The following WDPCP variants were observed in gnomAD, a reference collection of about 807,000 sequenced individuals.
WDPCP encodes the protein WD repeat containing planar cell polarity effector.
In WDPCP, 71 loss-of-function variants were observed where a neutral mutation model predicts 93.1. The observed-to-expected ratio is 0.76, with a 90% CI of 0.63 to 0.93. The LOEUF (loss-of-function observed/expected upper bound fraction) is 0.93. Ranked by LOEUF, WDPCP falls within the 40% of genes least tolerant of loss-of-function variation. The pLI is 0.00. For missense variants in WDPCP, 844 were observed against 887.4 expected (o/e 0.95, Z 0.62); for synonymous variants, 315 against 315.0 (o/e 1.00, Z 0.00).
chr2:63,368,496 T>G (rs944725881), intron 12 of WDPCP, among the ~76,000 whole-genome samples: 1 of 151,974 alleles, frequency 6.6e-6, no homozygotes, highest in African/African-American at 2.4e-5. Flanking sequence ...TGGCTAATTT[T>G]TGTATTTTTA....
intron 2 of WDPCP, among the ~76,000 whole-genome samples, chr2:63,800,012 T>A (rs1376004494): frequency 6.6e-6 from 1 of 152,194 alleles, no homozygotes. Context: ...TTTTTTATGT[T>A]CTTCCTTGGT....
At chr2:63,570,626 A>T (rs961797211) in intron 1 of WDPCP, among the ~76,000 whole-genome samples, 7 of 152,368 alleles carry the variant, frequency 4.6e-5, no homozygotes, top group Middle Eastern at 3.4e-3. Flanking sequence ...ACAGGGGAGA[A>T]ATTGAAGTGT....
At chr2:63,669,418 G>A (rs1710319809) in intron 2 of WDPCP, among the ~76,000 whole-genome samples, 1 of 150,582 alleles carries the variant, frequency 6.6e-6, no homozygotes, top group African/African-American at 2.5e-5. Flanking sequence ...GGAGTGCAGT[G>A]GTGCAATTTT....
At chr2:63,435,640 A>G (rs535488442) in intron 8 of WDPCP, among the ~76,000 whole-genome samples, 1 of 152,288 alleles carries the variant, frequency 6.6e-6, no homozygotes, top group East Asian at 1.9e-4. Flanking sequence ...AGGAAATTTC[A>G]TGTTTCCTAT....
chr2:63,587,577 T>C (rs1708948469), intron 1 of WDPCP, among the ~76,000 whole-genome samples: 1 of 152,220 alleles, frequency 6.6e-6, no homozygotes. Context: ...ATAGAGATGT[T>C]TTATTCATTT....
chr2:63,178,600 TTTAA>T (rs1306739133), intron 14 of WDPCP, among the ~76,000 whole-genome samples: 1 of 152,170 alleles, frequency 6.6e-6, no homozygotes, highest in Non-Finnish European at 1.5e-5. Flanking sequence ...CTCTCTTTTT[TTTAA>T]TTAGTATACC....
At position 63,730,556 on chromosome 2, in the gene WDPCP, C is replaced by T. The variant is rs545474256; in HGVS notation, n.309-79718G>A. Among the ~76,000 whole-genome samples, 11 of 152,220 alleles carry T rather than the reference C, an allele frequency of 7.2e-5. No homozygotes were observed. The East Asian group carries it at 1.5e-3, about 21-fold the overall frequency. ...TCAGATCACTGCAACCTCCTCCTCC[C>T]GCGTTCAAGTGATTCTCCTGCCTTA... On this transcript the variant is annotated intron_variant and non_coding_transcript_variant, in intron 2 of 4. Coordinates refer to the WDPCP transcript ENST00000467687.
intron 1 of WDPCP, among the ~76,000 whole-genome samples, chr2:63,586,909 T>C (rs566119700): frequency 5.9e-5 from 9 of 152,240 alleles, no homozygotes; most frequent in Non-Finnish European, 1.2e-4. Context: ...AGTTCTAGGG[T>C]ACATGTGCAC....
intron 2 of WDPCP, among the ~76,000 whole-genome samples, chr2:63,681,208 C>G (rs1025353851): frequency 3.3e-5 from 5 of 152,170 alleles, no homozygotes; most frequent in Admixed American, 3.3e-4. Flanking sequence ...ACTAGCTCAG[C>G]CACAGGGACG....
At chr2:63,323,071 C>T (rs751371598) in intron 12 of WDPCP, among the ~76,000 whole-genome samples, 15 of 152,176 alleles carry the variant, frequency 9.9e-5, no homozygotes, top group African/African-American at 2.9e-4. Context: ...AGCCCAGGGT[C>T]GACAGAGAGG....
chr2:63,501,564 T>C (rs1281145445), intron 1 of WDPCP, among the ~76,000 whole-genome samples: 1 of 152,122 alleles, frequency 6.6e-6, no homozygotes, highest in Admixed American at 6.6e-5. Context: ...AGACCAAGTT[T>C]CAAAAAAACA....
chr2:63,840,744 A>C, the WDPCP span, among the ~76,000 whole-genome samples: 2 of 152,176 alleles, frequency 1.3e-5, no homozygotes, highest in Non-Finnish European at 2.9e-5. Flanking sequence ...GCTCTCCCTC[A>C]CTGAGATATA....
intron 1 of WDPCP, among the ~76,000 whole-genome samples, chr2:63,556,253 T>C (rs1025040261): frequency 3.9e-5 from 6 of 152,172 alleles, no homozygotes; most frequent in Admixed American, 1.3e-4. Flanking sequence ...ATTTCAGAGC[T>C]TGAAGACTAT....
intron 12 of WDPCP, among the ~76,000 whole-genome samples, chr2:63,322,264 A>T (rs564998211): frequency 2.0e-5 from 3 of 152,032 alleles, no homozygotes. Context: ...ACCAATCAGC[A>T]CTCTGTAAAA....
chr2:63,733,584 G>A (rs1041597392), intron 2 of WDPCP, among the ~76,000 whole-genome samples: 3 of 152,188 alleles, frequency 2.0e-5, no homozygotes, highest in Admixed American at 1.3e-4. Context: ...GAAGCATTTA[G>A]CTGGTCCTGC....
At chr2:63,594,740 G>T in intron 3 of WDPCP, 1 of 583,080 alleles carries the variant, frequency 1.7e-6, no homozygotes, top group Non-Finnish European at 3.0e-6. Context: ...AGCTACTAAG[G>T]TATTTATATG....
chr2:63,839,428 C>T, the WDPCP span, among the ~76,000 whole-genome samples: 5 of 152,166 alleles, frequency 3.3e-5, no homozygotes, highest in Admixed American at 6.5e-5. Context: ...TGCGGTGGCA[C>T]GAGCCTGCGG....
intron 3 of WDPCP, among the ~76,000 whole-genome samples, chr2:63,616,656 T>C (rs1709675814): frequency 6.6e-6 from 1 of 152,192 alleles, no homozygotes; most frequent in African/African-American, 2.4e-5. Flanking sequence ...AGAGACCATA[T>C]TACTCTCCTC....
intron 8 of WDPCP, among the ~76,000 whole-genome samples, 163 bp from the exon 9 acceptor site, chr2:63,434,099 C>T (rs753214589): frequency 5.3e-5 from 8 of 152,048 alleles, no homozygotes; most frequent in Non-Finnish European, 1.2e-4. Flanking sequence ...ATTCTTCTGA[C>T]ACATATATAA....
Sources: gnomAD v4.1 joint callset for allele counts (sites outside exome capture counted in the v4.1 genomes callset) on GRCh38, gnomAD v4.1.1 for gene constraint, MANE v1.5 for transcripts, NCBI Gene and HGNC (gene_info 2026-07-23, HGNC 2026-07-21) for gene names.